PRKD3: variants seen among roughly 807,000 people sequenced by gnomAD.
PRKD3 encodes the protein protein kinase D3.
Under a neutral mutation model 99.2 loss-of-function variants are expected in PRKD3, and 47 were observed. The ratio of observed to expected loss-of-function variants is 0.47; its 90% CI spans 0.38 to 0.60. The LOEUF is 0.60. PRKD3 is among the 20% of genes least tolerant of loss of function. PRKD3 has a pLI of 0.00. For missense variants in PRKD3, 1,019 were observed against 1,088.4 expected (o/e 0.94, Z 0.90); for synonymous variants, 392 against 355.4 (o/e 1.10, Z -1.16).
intron 1 of PRKD3, chr2:37,324,123 C>G: frequency 1.0e-6 from 1 of 960,406 alleles, no homozygotes; most frequent in East Asian, 1.1e-4. Context: ...CGGAACAATG[C>G]TGCAACTAGC....
chr2:37,265,508 AAC>A, intron 14 of PRKD3, among the ~76,000 whole-genome samples: 1 of 151,242 alleles, frequency 6.6e-6, no homozygotes, highest in East Asian at 1.9e-4. Context: ...CACACACACA[AAC>A]ACACACACAG....
At position 37,316,532 on chromosome 2, in the gene PRKD3, T is replaced by C. The variant is rs771456794; in HGVS notation, c.-8A>G. On this transcript the variant is annotated 5_prime_UTR_variant, in exon 2 of 19. Transcript: ENST00000234179. ...GGAATTATTTGCAGACATCTGCCTT[T>C]CTTTAATCTTTTAAAATAGTTGTCG... 3 of 1,606,312 alleles carry C rather than the reference T, an allele frequency of 1.9e-6. No individual in the cohort carries two copies. The highest frequency in any genetic ancestry group is 4.5e-5 in the East Asian group (2 of 44,800).
intron 6 of PRKD3, among the ~76,000 whole-genome samples, chr2:37,283,684 C>A (rs959203674): frequency 6.6e-6 from 1 of 151,996 alleles, no homozygotes; most frequent in Non-Finnish European, 1.5e-5. Context: ...ACAAGGTTTC[C>A]ATTTTCCCTT....
rs147902808 is a variant in PRKD3 at position 37,313,901 on chromosome 2, C to T, written c.288+2336G>A. Among the ~76,000 whole-genome samples the T allele has an allele frequency of 2.0e-3, 297 of 152,220 alleles. 1 individual carries two copies. The highest frequency in any genetic ancestry group is 6.6e-3 in the African/African-American group (273 of 41,546). On this transcript the variant is annotated intron_variant, in intron 2 of 18. Transcript: ENST00000234179. ...TTGCCATGGGTTTATCAGGACATAA[C>T]TGTAAGCCAAGGAACATCTGTAAGC...
intron 18 of PRKD3, 22 bp downstream of exon 18, chr2:37,254,182 G>A: frequency 6.4e-7 from 1 of 1,560,364 alleles, no homozygotes. Flanking sequence ...GATTGCCAAA[G>A]AGAGATTACA....
Position 37,256,760 on chromosome 2 carries a change from C to T in PRKD3, c.2315G>A (p.Gly772Asp), listed in dbSNP as rs753762347. The change falls in exon 17 of 19, where the codon GGC (glycine) becomes GAC (aspartate). Residue 772 changes from glycine to aspartate, a missense_variant. Physicochemically the swap from Gly to Asp is moderately conservative, Grantham distance 94. Coordinates refer to ENST00000234179, the MANE Select transcript of PRKD3 (RefSeq NM_005813.6). ...VGVIIYVSLS[G>D]TFPFNEDEDI... ...TTCATCCTCATTAAAAGGAAATGTG[C>T]CACTGAGGCTCACATAGATGATAAC... 1 of 1,611,776 alleles carries T rather than the reference C, an allele frequency of 6.2e-7. No homozygotes were observed. The highest frequency in any genetic ancestry group is 8.5e-7 in the Non-Finnish European group (1 of 1,179,806).
chr2:37,323,395 G>A (rs1174332836), intron 1 of PRKD3, among the ~76,000 whole-genome samples: 1 of 151,756 alleles, frequency 6.6e-6, no homozygotes, highest in Non-Finnish European at 1.5e-5. Context: ...CATGCACTCA[G>A]GCCCACCACA....
intron 1 of PRKD3, among the ~76,000 whole-genome samples, chr2:37,321,876 T>C (rs1244502431): frequency 6.6e-6 from 1 of 152,218 alleles, no homozygotes; most frequent in African/African-American, 2.4e-5. Flanking sequence ...GCAAAATGCA[T>C]CTAGTTATTA....
At chr2:37,289,993 A>G (rs1670322061) in intron 4 of PRKD3, among the ~76,000 whole-genome samples, 1 of 152,196 alleles carries the variant, frequency 6.6e-6, no homozygotes, top group African/African-American at 2.4e-5. Context: ...GAACACAACC[A>G]TATCTATTCG....
chr2:37,256,626 A>G (rs1667963251), intron 17 of PRKD3, 36 bp downstream of exon 17: 1 of 1,302,622 alleles, frequency 7.7e-7, no homozygotes, highest in South Asian at 1.5e-5. Flanking sequence ...CACATAGCCA[A>G]AATTTTTTTT....
At chr2:37,287,165 G>T (rs1006106033) in intron 5 of PRKD3, among the ~76,000 whole-genome samples, 1 of 142,808 alleles carries the variant, frequency 7.0e-6, no homozygotes, top group Non-Finnish European at 1.5e-5. Context: ...AGGAGGTGGA[G>T]GTTCCGGTAA....
rs150454254 is a variant in PRKD3, at chr2:37,294,368, T to C, written c.289-1097A>G. On this transcript the variant is annotated intron_variant, in intron 2 of 18. Transcript: ENST00000234179. ...ACGTCAGCCTCCCAAAGTGCTGGGA[T>C]TAGAGGCATGAGCCACCACAACTGG... is the stretch of plus-strand genomic sequence containing the variant. 7.3e-4 allele frequency among the ~76,000 whole-genome samples: 111 copies of C among 152,286 alleles called. No homozygotes were observed. The Middle Eastern group carries it at 0.02, about 28-fold the overall frequency.
chr2:37,304,989 C>G (rs991347121), intron 2 of PRKD3, among the ~76,000 whole-genome samples: 1 of 151,944 alleles, frequency 6.6e-6, no homozygotes, highest in Admixed American at 6.6e-5. Flanking sequence ...TTTGAGCTTT[C>G]AGATTAGTAA....
chr2:37,307,975 T>C lies in PRKD3; in HGVS notation c.288+8262A>G, dbSNP rs552876137. 3.9e-5 allele frequency among the ~76,000 whole-genome samples: 6 copies of C among 152,380 alleles called. No homozygotes were observed. The East Asian group carries it at 7.7e-4, about 20-fold the overall frequency. On this transcript the variant is annotated intron_variant, in intron 2 of 18. Coordinates refer to ENST00000234179, the MANE Select transcript of PRKD3 (RefSeq NM_005813.6). ...AATCATTGATTGTTCTCTATTTCTA[T>C]GAAATTTTACCATGCTCTCCCCCAT... is the stretch of plus-strand genomic sequence containing the variant.
At position 37,251,881 on chromosome 2, in the gene PRKD3, A is replaced by G. The variant is rs1233044618; in HGVS notation, c.*1296T>C. 3.5e-5 allele frequency: 4 copies of G among 113,142 alleles called. No homozygotes were observed. Among genetic ancestry groups the G allele is most frequent in the Non-Finnish European group, 6.9e-5 (4 of 57,766 alleles). The allele number at this position is 113,142 out of a possible 1,614,324, so 7.0% of individuals were successfully genotyped here. ...TTTTACTTTTGTTAGAGTGGAGAAG[A>G]AAAAAAAAAAGGTTTACAATGATTA... is the stretch of plus-strand genomic sequence containing the variant. On this transcript the variant is annotated 3_prime_UTR_variant, in exon 19 of 19. Coordinates refer to ENST00000234179, the MANE Select transcript of PRKD3 (RefSeq NM_005813.6).
In PRKD3 at chr2:37,274,540, G is replaced by C. The variant is rs928644327; in HGVS notation, c.1532C>G (p.Ala511Gly). 2 of 1,614,014 alleles carry C rather than the reference G, an allele frequency of 1.2e-6. No homozygotes were observed. Among genetic ancestry groups the C allele is most frequent in the African/African-American group, 2.7e-5 (2 of 74,932 alleles). The change falls in exon 11 of 19, where the codon GCT (alanine) becomes GGT (glycine). Residue 511 changes from alanine to glycine, a missense_variant. Transcript: ENST00000234179. ...TACATCAAGTCCAACTCCAGTGGCAGCAAGAACAGGATTATGAGAGCTGTC... is the reference window on the plus strand; with the variant it reads ...TACATCAAGTCCAACTCCAGTGGCACCAAGAACAGGATTATGAGAGCTGTC... Reference protein sequence around the residue: ...NGDSSHNPVLAATGVGLDVAQ... With the variant: ...NGDSSHNPVLGATGVGLDVAQ...
At chr2:37,284,077 A>T (rs1267603367) in intron 6 of PRKD3, among the ~76,000 whole-genome samples, 1 of 152,200 alleles carries the variant, frequency 6.6e-6, no homozygotes, top group Non-Finnish European at 1.5e-5. Flanking sequence ...GTTTTTACAC[A>T]TCAAAATAGA....
intron 14 of PRKD3, among the ~76,000 whole-genome samples, chr2:37,264,695 C>T (rs1668712976): frequency 6.6e-6 from 1 of 151,856 alleles, no homozygotes; most frequent in South Asian, 2.1e-4. Flanking sequence ...AGAAGCATGT[C>T]TGGCATGTTT....
intron 2 of PRKD3, among the ~76,000 whole-genome samples, chr2:37,313,670 T>G (rs955611497): frequency 6.6e-6 from 1 of 152,164 alleles, no homozygotes; most frequent in Non-Finnish European, 1.5e-5. Flanking sequence ...CACTAATTTT[T>G]TATAAAAAGA....
Sources: allele counts gnomAD v4.1 joint callset (sites outside exome capture counted in the v4.1 genomes callset), GRCh38; gene constraint gnomAD v4.1.1; transcripts MANE v1.5; gene names NCBI Gene and HGNC (gene_info 2026-07-23, HGNC 2026-07-21).